Variants in ECE2 observed in about 807,000 individuals in gnomAD.
ECE2 encodes endothelin converting enzyme 2, also known as endothelin-converting enzyme 2.
A neutral mutation model predicts 100.6 loss-of-function variants in ECE2; 81 were observed. The observed-to-expected ratio is 0.81, with a 90% CI of 0.67 to 0.97. The LOEUF (loss-of-function observed/expected upper bound fraction) is 0.97, where lower values mean the gene tolerates loss of function less well. Ranked by LOEUF, ECE2 falls within the 50% of genes least tolerant of loss-of-function variation. The pLI is 0.00. For synonymous variants in ECE2, 391 were observed against 391.5 expected, an observed-to-expected ratio of 1.00 and a Z score of 0.02; for missense variants, 911 against 988.1, an observed-to-expected ratio of 0.92 and a Z score of 1.05.
At chr3:184,276,828 C>T (rs1720574907) in intron 2 of ECE2, 64 bp from the exon 3 acceptor site, 1 of 1,598,898 alleles carries the variant, frequency 6.3e-7, no homozygotes, top group Admixed American at 1.7e-5. Flanking sequence ...GTGGCTTCAC[C>T]CTCTGGTAAT....
rs1343831695 is a variant in ECE2 at position 184,276,406 on chromosome 3, G to T, written c.40-75G>T. 3 of 1,537,426 alleles carry T rather than the reference G, an allele frequency of 2.0e-6. No homozygotes were observed. In the East Asian group the frequency reaches 7.0e-5, roughly 36 times the overall value. On this transcript the variant is annotated intron_variant, in intron 1 of 18. Coordinates refer to ENST00000404464, the MANE Select transcript of ECE2 (RefSeq NM_001100121.2). ...CAGGGCGGAGGGGTCCGCGAGGCAG[G>T]GAGCACTGGGGCAGGGTCGTGGGCA...
rs756831800 is a variant in ECE2 at position 184,290,856 on chromosome 3, C to A, written c.1830C>A (p.Asp610Glu). The A allele has an allele frequency of 2.5e-6, 4 of 1,614,184 alleles. No individual in the cohort carries two copies. In the South Asian group the frequency reaches 4.4e-5, roughly 18 times the overall value. ...MGHELTHAFD[D>E]QGREYDKEGN... ...ATGAGTTGACGCATGCCTTTGATGA[C>A]CAAGGTAGGGGCCCATGGAGTCGTC... Residue 610 changes from aspartate (D) to glutamate (E), a missense_variant, in exon 16 of 19, where the codon GAC (aspartate) becomes GAA (glutamate). Transcript: ENST00000404464.
chr3:184,287,923 G>A lies in ECE2; in HGVS notation c.1350G>A (p.Thr450=), dbSNP rs763074230. The part of the protein sequence containing the change: ...FALGSLFVKA[T]FDRQSKEIAE... The stretch of plus-strand genomic sequence containing the variant: ...TGGGGTCCCTCTTCGTGAAGGCCAC[G>A]TTTGACCGGCAAAGCAAAGAAATTG... The change falls in exon 11 of 19, where the codon ACG becomes ACA. Residue 450 remains threonine, a synonymous_variant. Transcript: ENST00000404464. The A allele has an allele frequency of 1.4e-5, 22 of 1,613,986 alleles. No homozygotes were observed. The highest frequency in any genetic ancestry group is 1.6e-5 in the Non-Finnish European group (19 of 1,179,974).
Position 184,283,872 on chromosome 3 carries a change from G to A in ECE2, c.904G>A (p.Val302Met). The A allele has an allele frequency of 6.2e-7, 1 of 1,614,018 alleles. No homozygotes were observed. The highest frequency in any genetic ancestry group is 2.2e-5 in the East Asian group (1 of 44,818). The change falls in exon 8 of 19, where the codon GTG becomes ATG. Residue 302 changes from valine (V) to methionine (M), a missense_variant. Val to Met is a conservative substitution (Grantham distance 21, BLOSUM62 1). Coordinates refer to ENST00000404464, the MANE Select transcript of ECE2 (RefSeq NM_001100121.2). ...CTCCACGAGGGAGCAGATGCAGCAGGTGCTGGAGTTGGAGATACAGCTGGC... is the reference window on the plus strand; with the variant it reads ...CTCCACGAGGGAGCAGATGCAGCAGATGCTGGAGTTGGAGATACAGCTGGC... ...PTSTREQMQQ[V>M]LELEIQLANI...
chr3:184,290,401 G>C (rs1262861409), intron 14 of ECE2, 43 bp downstream of exon 14: 2 of 1,598,574 alleles, frequency 1.3e-6, no homozygotes, highest in African/African-American at 1.3e-5. Context: ...GGTGGCAGGA[G>C]AGGTGGGGGA....
intron 11 of ECE2, among the ~76,000 whole-genome samples, chr3:184,288,930 G>A (rs1343992015): frequency 6.6e-6 from 1 of 152,216 alleles, no homozygotes; most frequent in East Asian, 1.9e-4. Context: ...GCTGAGGCGG[G>A]TGGATCACGT....
chr3:184,284,649 G>T (rs1489815505), intron 8 of ECE2, among the ~76,000 whole-genome samples: 3 of 152,184 alleles, frequency 2.0e-5, no homozygotes, highest in Non-Finnish European at 4.4e-5. Flanking sequence ...TTGGGATGGA[G>T]TGTGGTTCTG....
chr3:184,291,082 A>G lies in ECE2; in HGVS notation c.1877A>G (p.Gln626Arg). Residue 626 changes from glutamine (Q) to arginine (R), a missense_variant, in exon 17 of 19, where the codon CAG (glutamine) becomes CGG (arginine). By Grantham distance (43) the Gln-to-Arg change is conservative (BLOSUM62 1). Coordinates refer to ENST00000404464, the MANE Select transcript of ECE2 (RefSeq NM_001100121.2). The surrounding 1 kb of genome is among the most constrained non-coding windows in gnomAD (Gnocchi z 4.1). ...GAAGGGAACCTGCGGCCCTGGTGGC[A>G]GAATGAGTCCCTGGCAGCCTTCCGG... Reference protein sequence around the residue: ...DKEGNLRPWWQNESLAAFRNH... With the variant: ...DKEGNLRPWWRNESLAAFRNH... 6.3e-7 allele frequency: 1 copy of G among 1,589,754 alleles called. No individual in the cohort carries two copies. The highest frequency in any genetic ancestry group is 8.6e-7 in the Non-Finnish European group (1 of 1,165,922).
intron 7 of ECE2, among the ~76,000 whole-genome samples, chr3:184,279,422 G>A (rs1720722958): frequency 6.6e-6 from 1 of 151,960 alleles, no homozygotes; most frequent in African/African-American, 2.4e-5. Flanking sequence ...TTGGGAGGCT[G>A]AGGCCGGCGG....
At position 184,291,304 on chromosome 3, in the gene ECE2, C is replaced by A; in HGVS notation, c.2026-40C>A. ...GTGAAAGGTGCCGGGTGGGTGGGGG[C>A]AGGCCTGGATGGGCTTGTTGCCCAC... On this transcript the variant is annotated intron_variant, in intron 17 of 18. Coordinates refer to ENST00000404464, the MANE Select transcript of ECE2 (RefSeq NM_001100121.2). The surrounding 1 kb of genome is among the most constrained non-coding windows in gnomAD (Gnocchi z 4.1). 1 of 1,588,226 alleles carries A rather than the reference C, an allele frequency of 6.3e-7. No homozygotes were observed. Among genetic ancestry groups the A allele is most frequent in the South Asian group, 1.1e-5 (1 of 87,034 alleles).
chr3:184,292,014 G>T, intron 18 of ECE2, 48 bp from the exon 19 acceptor site: 1 of 1,563,034 alleles, frequency 6.4e-7, no homozygotes, highest in Non-Finnish European at 8.7e-7. Context: ...TCTAAGGCCC[G>T]GCTCCACACT....
At chr3:184,287,796 C>A in intron 10 of ECE2, 41 bp from the exon 11 acceptor site, 1 of 1,565,630 alleles carries the variant, frequency 6.4e-7, no homozygotes, top group Non-Finnish European at 8.8e-7. Flanking sequence ...GACTGGAGGA[C>A]ACAGCCATCT....
In ECE2 at chr3:184,277,938, C is replaced by CA. The variant is rs766243543; in HGVS notation, c.494dup (p.Asn165LysfsTer5). 1 of 1,612,438 alleles carries CA rather than the reference C, an allele frequency of 6.2e-7. No individual in the cohort carries two copies. Among genetic ancestry groups the CA allele is most frequent in the South Asian group, 1.1e-5 (1 of 91,014 alleles). Reference sequence around the variant, plus strand: ...TCTGCCCCACAGAAAACACCACCTTCAACTCCAGCAGTGAAGCTGAGCAGA... The same window carrying CA: ...TCTGCCCCACAGAAAACACCACCTTCAAACTCCAGCAGTGAAGCTGAGCAGA... On this transcript the variant is annotated frameshift_variant, in exon 5 of 19. Coordinates refer to ENST00000404464, the MANE Select transcript of ECE2 (RefSeq NM_001100121.2). LOFTEE classifies it high-confidence loss of function.
rs1174715238 is a variant in ECE2, at chr3:184,290,793, G to A, written c.1767G>A (p.Lys589=). 6.2e-7 allele frequency: 1 copy of A among 1,614,018 alleles called. No homozygotes were observed. Among genetic ancestry groups the A allele is most frequent in the Non-Finnish European group, 8.5e-7 (1 of 1,180,040 alleles). Residue 589 remains lysine (K), a splice_region_variant and synonymous_variant, in exon 16 of 19, where the codon AAG becomes AAA. Transcript: ENST00000404464. ...QAPFYARNHP[K]ALNFGGIGVV... ...TCACTTGCTATTCCTCACCCACCAG[G>A]GCCCTGAACTTCGGTGGCATCGGTG...
chr3:184,278,474 C>T lies in ECE2; in HGVS notation c.751-18C>T. The T allele has an allele frequency of 6.2e-7, 1 of 1,613,254 alleles. No individual in the cohort carries two copies. Among genetic ancestry groups the T allele is most frequent in the Non-Finnish European group, 8.5e-7 (1 of 1,179,560 alleles). ...GTGGGGAAAGCGAGGGGCTCACCTCCTTTCCTTGACATTGCAGGTGGACCA... is the reference window on the plus strand; with the variant it reads ...GTGGGGAAAGCGAGGGGCTCACCTCTTTTCCTTGACATTGCAGGTGGACCA... On this transcript the variant is annotated intron_variant, in intron 6 of 18. Transcript: ENST00000404464.
chr3:184,284,970 C>A lies in ECE2; in HGVS notation c.1013C>A (p.Ala338Glu), dbSNP rs757104117. 1 of 1,613,254 alleles carries A rather than the reference C, an allele frequency of 6.2e-7. No individual in the cohort carries two copies. Among genetic ancestry groups the A allele is most frequent in the Non-Finnish European group, 8.5e-7 (1 of 1,179,728 alleles). Reference sequence around the variant, plus strand: ...GAGATTTTTTTCTTTCAGGCTCTGGCGCCCTCCATGGACTGGCTTGAGTTC... The same window carrying A: ...GAGATTTTTTTCTTTCAGGCTCTGGAGCCCTCCATGGACTGGCTTGAGTTC... Reference protein sequence around the residue: ...KMSISELQALAPSMDWLEFLS... With the variant: ...KMSISELQALEPSMDWLEFLS... The change falls in exon 9 of 19, where the codon GCG becomes GAG. Residue 338 changes from alanine (A) to glutamate (E), a missense_variant. Transcript: ENST00000404464.
At chr3:184,286,247 C>T (rs1721032068) in intron 10 of ECE2, among the ~76,000 whole-genome samples, 1 of 152,070 alleles carries the variant, frequency 6.6e-6, no homozygotes, top group Non-Finnish European at 1.5e-5. Context: ...TGGCTTTACA[C>T]ACGTTCTGGC....
rs1272107332 is a variant in ECE2 at position 184,292,397 on chromosome 3, C to T, written c.*159C>T. On this transcript the variant is annotated 3_prime_UTR_variant, in exon 19 of 19. Transcript: ENST00000404464. The stretch of plus-strand genomic sequence containing the variant: ...ATGAGTACAGACCCTCCTCAATCAC[C>T]ACATTGTGCCTCTGCTTTGGGGGTG... The T allele has an allele frequency of 9.0e-6, 7 of 774,370 alleles. No homozygotes were observed. The highest frequency in any genetic ancestry group is 1.4e-5 in the Non-Finnish European group (7 of 486,862). 48.0% of individuals were successfully genotyped at this position (774,370 alleles called of 1,614,324 possible).
Position 184,292,591 on chromosome 3 carries a change from G to A in ECE2, c.*353G>A. The A allele has an allele frequency of 3.0e-6, 1 of 327,908 alleles. No individual in the cohort carries two copies. Among genetic ancestry groups the A allele is most frequent in the South Asian group, 3.9e-5 (1 of 25,652 alleles). 20.3% of individuals were successfully genotyped at this position (327,908 alleles called of 1,614,324 possible). A position where few individuals can be genotyped will look rare whatever the true frequency, so the allele number is the denominator to read the frequency against. The stretch of plus-strand genomic sequence containing the variant: ...TGGGGCCTGCCGTGCCTGCCCCACT[G>A]TGACCCACAGGCCTGGGTGGTGTAC... On this transcript the variant is annotated 3_prime_UTR_variant, in exon 19 of 19. Coordinates refer to ENST00000404464, the MANE Select transcript of ECE2 (RefSeq NM_001100121.2).
Sources: allele counts gnomAD v4.1 joint callset (sites outside exome capture counted in the v4.1 genomes callset), GRCh38; gene constraint gnomAD v4.1.1; non-coding constraint Gnocchi (gnomAD v3.1); transcripts MANE v1.5; gene names NCBI Gene and HGNC (gene_info 2026-07-23, HGNC 2026-07-21).